Variants in COG5 observed in about 807,000 individuals in gnomAD.
COG5 encodes component of oligomeric golgi complex 5, also known as conserved oligomeric Golgi complex subunit 5.
COG5 carries 86 observed loss-of-function variants against 110.4 expected under a neutral mutation model. The ratio of observed to expected loss-of-function variants is 0.78; its 90% CI spans 0.65 to 0.93. The LOEUF is 0.93. COG5 is among the 40% of genes least tolerant of loss of function. The probability of loss-of-function intolerance (pLI) is 0.00; values close to 1 mark genes in which losing one functional copy is unlikely to be tolerated. For synonymous variants in COG5, 360 were observed against 334.6 expected, an observed-to-expected ratio of 1.08 and a Z score of -0.83; for missense variants, 1,077 against 987.0, an observed-to-expected ratio of 1.09 and a Z score of -1.22.
chr7:107,540,784 C>T (rs1328505526), intron 5 of COG5, among the ~76,000 whole-genome samples: 1 of 151,422 alleles, frequency 6.6e-6, no homozygotes, highest in African/African-American at 2.4e-5. Context: ...CACATAAAAC[C>T]CATAACAAGA....
chr7:107,268,205 T>G (rs1803956947), intron 14 of COG5, among the ~76,000 whole-genome samples: 1 of 152,116 alleles, frequency 6.6e-6, no homozygotes. Flanking sequence ...CGAACTCAGG[T>G]GATCCGCCTG....
chr7:107,269,630 C>T (rs1804082787), intron 14 of COG5, among the ~76,000 whole-genome samples: 1 of 152,152 alleles, frequency 6.6e-6, no homozygotes, highest in Admixed American at 6.5e-5. Context: ...TTCCATCTTA[C>T]TTCTATGTTC....
At chr7:107,297,323 T>C in intron 12 of COG5, among the ~76,000 whole-genome samples, 1 of 152,208 alleles carries the variant, frequency 6.6e-6, no homozygotes, top group South Asian at 2.1e-4. Flanking sequence ...ATAGGTAACC[T>C]AGAGATGATG....
chr7:107,417,834 T>G (rs1181082378), intron 6 of COG5, among the ~76,000 whole-genome samples: 1 of 152,256 alleles, frequency 6.6e-6, no homozygotes, highest in South Asian at 2.1e-4. Flanking sequence ...CTAAATAATT[T>G]TTGCTCCCTT....
chr7:107,313,644 C>T (rs572248549), intron 11 of COG5, among the ~76,000 whole-genome samples: 12 of 152,122 alleles, frequency 7.9e-5, no homozygotes, highest in Admixed American at 5.2e-4. Flanking sequence ...TGGTTTGTGG[C>T]CCCCCTTCAA....
At chr7:107,546,197 A>C (rs1478329927) in intron 5 of COG5, among the ~76,000 whole-genome samples, 4 of 152,206 alleles carry the variant, frequency 2.6e-5, no homozygotes, top group African/African-American at 7.2e-5. Flanking sequence ...ACATACCGAA[A>C]GTTATGGGAT....
At chr7:107,410,116 G>A (rs144749562) in intron 7 of COG5, among the ~76,000 whole-genome samples, 1 of 152,294 alleles carries the variant, frequency 6.6e-6, no homozygotes, top group Non-Finnish European at 1.5e-5. Context: ...GCATTTTGCT[G>A]TGCAGGAGTA....
At chr7:107,403,260 A>C (rs568500738) in intron 7 of COG5, among the ~76,000 whole-genome samples, 141 of 152,312 alleles carry the variant, frequency 9.3e-4, no homozygotes, top group African/African-American at 3.3e-3. Flanking sequence ...AAAATACCAT[A>C]GACTGGGCTT....
chr7:107,360,619 A>G (rs1418756162), intron 10 of COG5, among the ~76,000 whole-genome samples: 1 of 152,110 alleles, frequency 6.6e-6, no homozygotes, highest in Non-Finnish European at 1.5e-5. Context: ...TGTGGGCTAC[A>G]TTCCCCTCAT....
Position 107,256,755 on chromosome 7 carries a change from G to T in COG5, c.1726C>A (p.Gln576Lys), listed in dbSNP as rs756692626. 6.2e-7 allele frequency: 1 copy of T among 1,610,140 alleles called. No homozygotes were observed. Among genetic ancestry groups the T allele is most frequent in the Non-Finnish European group, 8.5e-7 (1 of 1,177,226 alleles). ...ACCTTTAGAGCTGAAATTATAGTTT[G>T]CTCAGCTGCCAGTGGGAATGAGCTC... ...SQSSFPLAAE[Q>K]TIISALKAIH... is the part of the protein sequence containing the mutation. The change falls in exon 16 of 22, where the codon CAA (glutamine) becomes AAA (lysine). Residue 576 changes from glutamine (Q) to lysine (K), a missense_variant. Coordinates refer to ENST00000297135, the MANE Select transcript of COG5 (RefSeq NM_006348.5).
At chr7:107,370,755 T>C (rs538851055) in intron 8 of COG5, among the ~76,000 whole-genome samples, 69 of 145,690 alleles carry the variant, frequency 4.7e-4, no homozygotes, top group Non-Finnish European at 9.0e-4. Context: ...AATTGCATTC[T>C]AGCTTGGGTG....
chr7:107,411,468 T>C lies in COG5; in HGVS notation c.669+1034A>G, dbSNP rs1348166700. Reference sequence around the variant, plus strand: ...TTAGAAGTTAGAATAATAATTATCTTTGGGGAAGCCAGAAGAGAGTAAAAA... The same window carrying C: ...TTAGAAGTTAGAATAATAATTATCTCTGGGGAAGCCAGAAGAGAGTAAAAA... On this transcript the variant is annotated intron_variant, in intron 7 of 21. Transcript: ENST00000297135. Among the ~76,000 whole-genome samples the C allele has an allele frequency of 3.3e-5, 5 of 152,246 alleles. No homozygotes were observed. The South Asian group carries it at 6.2e-4, about 19-fold the overall frequency.
At chr7:107,340,129 G>A (rs773574081) in intron 10 of COG5, among the ~76,000 whole-genome samples, 3 of 151,886 alleles carry the variant, frequency 2.0e-5, no homozygotes, top group African/African-American at 7.3e-5. Flanking sequence ...TAGACCACTA[G>A]CTAGATTAAC....
chr7:107,307,037 A>G (rs1001165833), intron 11 of COG5, among the ~76,000 whole-genome samples: 2 of 152,216 alleles, frequency 1.3e-5, no homozygotes, highest in Non-Finnish European at 2.9e-5. Context: ...AAAAAAGTAC[A>G]AACAAGATGC....
At chr7:107,298,469 G>A in intron 11 of COG5, 123 bp from the exon 12 acceptor site, 1 of 636,144 alleles carries the variant, frequency 1.6e-6, no homozygotes, top group East Asian at 2.8e-5. Flanking sequence ...GTGTTCTAAT[G>A]AGGCCTTTTA....
chr7:107,409,555 T>C (rs923882099), intron 7 of COG5, among the ~76,000 whole-genome samples: 1 of 152,204 alleles, frequency 6.6e-6, no homozygotes, highest in Non-Finnish European at 1.5e-5. Flanking sequence ...AGTTACATAA[T>C]AAGATATAAC....
intron 12 of COG5, among the ~76,000 whole-genome samples, chr7:107,292,179 GGT>G (rs1432369364): frequency 6.6e-6 from 1 of 152,194 alleles, no homozygotes; most frequent in Non-Finnish European, 1.5e-5. Flanking sequence ...TGGGACTACA[GGT>G]GTGGACTACC....
In COG5 at chr7:107,320,587, A is replaced by T. The variant is rs186162551; in HGVS notation, c.1108+3853T>A. Among the ~76,000 whole-genome samples the T allele has an allele frequency of 3.9e-3, 588 of 152,308 alleles. 13 individuals carry two copies. Among genetic ancestry groups the T allele is most frequent in the Admixed American group, 0.035 (538 of 15,300 alleles). On this transcript the variant is annotated intron_variant, in intron 11 of 21. Transcript: ENST00000297135. ...ACCAGCCTAAGTCATGATGCATATC[A>T]AGGGTGTCTTTCTGGTTGTCCAAGT...
intron 6 of COG5, among the ~76,000 whole-genome samples, chr7:107,495,387 AG>A (rs1798213791): frequency 6.6e-6 from 1 of 152,172 alleles, no homozygotes; most frequent in South Asian, 2.1e-4. Context: ...TACACAATGC[AG>A]GGAAAATAAT....
Sources: allele counts gnomAD v4.1 joint callset (sites outside exome capture counted in the v4.1 genomes callset), GRCh38; gene constraint gnomAD v4.1.1; transcripts MANE v1.5; gene names NCBI Gene and HGNC (gene_info 2026-07-23, HGNC 2026-07-21).